The following ZDHHC6 variants were observed in gnomAD, a reference collection of about 807,000 sequenced individuals.
The protein encoded by ZDHHC6 is zDHHC palmitoyltransferase 6.
A neutral mutation model predicts 57.8 loss-of-function variants in ZDHHC6; 32 were observed. The ratio of observed to expected loss-of-function variants is 0.55; its 90% CI spans 0.42 to 0.74. ZDHHC6 has a LOEUF of 0.74. Ranked by LOEUF, ZDHHC6 falls within the 30% of genes least tolerant of loss-of-function variation. ZDHHC6 has a pLI of 0.00. For missense variants in ZDHHC6, 433 were observed against 500.7 expected (o/e 0.86, Z 1.29); for synonymous variants, 128 against 158.0 (o/e 0.81, Z 1.42).
chr10:112,433,320 T>C (rs781511638), intron 7 of ZDHHC6, 39 bp from the exon 8 acceptor site: 8 of 1,510,796 alleles, frequency 5.3e-6, no homozygotes, highest in Non-Finnish European at 7.1e-6. Flanking sequence ...TGAAGTCTCT[T>C]GTCTCAATGT....
chr10:112,445,672 A>G (rs922475785), intron 1 of ZDHHC6, 22 bp from the exon 2 acceptor site: 12 of 545,720 alleles, frequency 2.2e-5, no homozygotes, highest in African/African-American at 1.9e-4. Flanking sequence ...AAAATGGGAA[A>G]GTTCAGTTAA....
At chr10:112,444,050 T>C (rs1165283389) in intron 2 of ZDHHC6, among the ~76,000 whole-genome samples, 1 of 152,228 alleles carries the variant, frequency 6.6e-6, no homozygotes, top group African/African-American at 2.4e-5. Context: ...TCCTTTACTG[T>C]AGTTTTTCTT....
At chr10:112,447,114 C>G (rs1846851559), upstream of ZDHHC6, 3 of 499,022 alleles carry the variant, frequency 6.0e-6, no homozygotes, top group Non-Finnish European at 1.1e-5. Context: ...GGGGGAGGCA[C>G]TAATTGGGGC....
At chr10:112,434,233 G>T in intron 7 of ZDHHC6, 64 bp downstream of exon 7, 1 of 1,441,256 alleles carries the variant, frequency 6.9e-7, no homozygotes, top group Non-Finnish European at 9.3e-7. Flanking sequence ...CACTTGAGTT[G>T]AGGGGGAGTT....
At position 112,432,358 on chromosome 10, in the gene ZDHHC6, G is replaced by A; in HGVS notation, c.1091+18C>T. ...ATTTTGTCCTTGAAGAAGAAATGCA[G>A]TACTTCCTATTACTTACCGTAAACC... On this transcript the variant is annotated intron_variant, in intron 9 of 10. Coordinates refer to ENST00000369405, the MANE Select transcript of ZDHHC6 (RefSeq NM_022494.3). The A allele has an allele frequency of 6.2e-7, 1 of 1,611,726 alleles. No homozygotes were observed. Among genetic ancestry groups the A allele is most frequent in the African/African-American group, 1.3e-5 (1 of 74,866 alleles).
chr10:112,443,999 C>T (rs560471684), intron 2 of ZDHHC6, among the ~76,000 whole-genome samples: 1 of 152,144 alleles, frequency 6.6e-6, no homozygotes, highest in South Asian at 2.1e-4. Context: ...TACCCGTCAC[C>T]ACCCCTTTCT....
intron 3 of ZDHHC6, 129 bp from the exon 4 acceptor site, chr10:112,442,480 G>A (rs934626872): frequency 1.2e-6 from 1 of 831,960 alleles, no homozygotes; most frequent in African/African-American, 1.7e-5. Context: ...TATACTTCAT[G>A]GAACAGAAAG....
chr10:112,443,675 G>A, intron 2 of ZDHHC6, 69 bp from the exon 3 acceptor site: 1 of 1,286,980 alleles, frequency 7.8e-7, no homozygotes, highest in Non-Finnish European at 1.1e-6. Context: ...CCTACGGTAT[G>A]ATTTTCTTTT....
downstream of ZDHHC6, chr10:112,426,399 C>A: frequency 1.3e-6 from 2 of 1,555,262 alleles, no homozygotes; most frequent in Non-Finnish European, 1.8e-6. Flanking sequence ...CACCCATGGG[C>A]CCATCGTGGA....
At chr10:112,444,868 CAT>C (rs1279352321) in intron 2 of ZDHHC6, among the ~76,000 whole-genome samples, 2 of 152,058 alleles carry the variant, frequency 1.3e-5, no homozygotes, top group Non-Finnish European at 2.9e-5. Context: ...CTGTGTATGA[CAT>C]GTGATGTTTC....
chr10:112,432,176 C>A, intron 10 of ZDHHC6, 64 bp downstream of exon 10: 3 of 1,498,000 alleles, frequency 2.0e-6, no homozygotes, highest in East Asian at 2.3e-5. Flanking sequence ...AAAAGTTATT[C>A]TTGTAAAATT....
chr10:112,433,536 C>T (rs897256363), intron 7 of ZDHHC6: 1 of 313,130 alleles, frequency 3.2e-6, no homozygotes, highest in Non-Finnish European at 5.8e-6. Flanking sequence ...TCCTAGAGTG[C>T]TTACTGTGGC....
chr10:112,428,969 TA>T (rs1347706670), downstream of ZDHHC6, among the ~76,000 whole-genome samples: 2 of 152,174 alleles, frequency 1.3e-5, no homozygotes, highest in Non-Finnish European at 2.9e-5. Flanking sequence ...CTGTAAAGAA[TA>T]AAACAAATAC....
chr10:112,437,595 A>G (rs1845664034), intron 6 of ZDHHC6, among the ~76,000 whole-genome samples: 1 of 152,252 alleles, frequency 6.6e-6, no homozygotes, highest in Non-Finnish European at 1.5e-5. Flanking sequence ...TGAATGCAGA[A>G]GTGAGAATCC....
At chr10:112,433,925 T>C (rs957689888) in intron 7 of ZDHHC6, among the ~76,000 whole-genome samples, 2 of 152,152 alleles carry the variant, frequency 1.3e-5, no homozygotes, top group African/African-American at 4.8e-5. Context: ...GAGGTAAGAC[T>C]GGAACGAGTC....
downstream of ZDHHC6, chr10:112,425,557 A>C: frequency 8.7e-7 from 1 of 1,152,258 alleles, no homozygotes; most frequent in Non-Finnish European, 1.2e-6. Flanking sequence ...AAATTTGTAT[A>C]GTTGGGTTCA....
Position 112,440,615 on chromosome 10 carries a change from T to C in ZDHHC6, c.600A>G (p.Leu200=). 1 of 1,614,088 alleles carries C rather than the reference T, an allele frequency of 6.2e-7. No homozygotes were observed. Among genetic ancestry groups the C allele is most frequent in the Middle Eastern group, 1.6e-4 (1 of 6,062 alleles). ...CAAACAAGGTGGTAGCAAATGCAGC[T>C]AATCCAAATGGAACAATTGGAAGAG... ...RDPLPIVPFG[L]AAFATTLFAL... The change falls in exon 5 of 11, where the codon TTA becomes TTG. Residue 200 remains leucine, a synonymous_variant. Coordinates refer to ENST00000369405, the MANE Select transcript of ZDHHC6 (RefSeq NM_022494.3).
Position 112,430,583 on chromosome 10 carries a change from G to T in ZDHHC6, c.*221C>A. ...TTGGATGAAATGTTTTTCCTTTGAG[G>T]GGGAGGAAGAGGTGGTAAAGAGGGG... On this transcript the variant is annotated 3_prime_UTR_variant, in exon 11 of 11. Transcript: ENST00000369405. 1 of 403,388 alleles carries T rather than the reference G, an allele frequency of 2.5e-6. No individual in the cohort carries two copies. The highest frequency in any genetic ancestry group is 4.4e-6 in the Non-Finnish European group (1 of 226,284). 25.0% of individuals were successfully genotyped at this position (403,388 alleles called of 1,614,324 possible).
chr10:112,426,175 A>G (rs1253743275), downstream of ZDHHC6: 5 of 1,079,556 alleles, frequency 4.6e-6, no homozygotes, highest in Non-Finnish European at 7.1e-6. Context: ...TTACAATGAC[A>G]TAATTCTGCT....
Sources: allele counts gnomAD v4.1 joint callset (sites outside exome capture counted in the v4.1 genomes callset), GRCh38; gene constraint gnomAD v4.1.1; transcripts MANE v1.5; gene names NCBI Gene and HGNC (gene_info 2026-07-23, HGNC 2026-07-21).